The following GABRA3 variants were observed in gnomAD, a reference collection of about 807,000 sequenced individuals.
GABRA3 encodes the protein gamma-aminobutyric acid receptor subunit alpha-3.
Under a neutral mutation model 30.1 loss-of-function variants are expected in GABRA3, and 10 were observed. The observed-to-expected ratio is 0.33, with a 90% CI of 0.20 to 0.56. The LOEUF is 0.56. Ranked by LOEUF, GABRA3 falls within the 20% of genes least tolerant of loss-of-function variation. The pLI is 0.89. For synonymous variants in GABRA3, 151 were observed against 146.8 expected (o/e 1.03, Z -0.21); for missense variants, 233 against 392.0 (o/e 0.59, Z 3.42).
At chrX:152,179,972 C>T (rs922098356) in intron 9 of GABRA3, among the ~76,000 whole-genome samples, 1 of 111,902 alleles carries the variant, frequency 8.9e-6, no homozygotes, top group African/African-American at 3.2e-5. Context: ...TTTATAGACA[C>T]TTAGGTTGAT....
chrX:152,237,308 A>C (rs879215688), intron 5 of GABRA3, among the ~76,000 whole-genome samples: 1 of 108,609 alleles, frequency 9.2e-6, no homozygotes, highest in Admixed American at 9.9e-5. Flanking sequence ...ATAGTTGTAG[A>C]TATGTGGTGT....
At chrX:152,402,896 T>C (rs928241470) in intron 1 of GABRA3, among the ~76,000 whole-genome samples, 1 of 111,754 alleles carries the variant, frequency 8.9e-6, no homozygotes, top group Non-Finnish European at 1.9e-5. Flanking sequence ...TGTTGTCCAC[T>C]TGAAGAAGAA....
chrX:152,444,734 G>GTTTTTTTTTGT (rs1931023024), intron 1 of GABRA3, among the ~76,000 whole-genome samples: 4 of 40,381 alleles, frequency 9.9e-5, no homozygotes, highest in Non-Finnish European at 1.4e-4. Flanking sequence ...ATACTTGTGT[G>GTTTTTTTTTGT]TTTTTTTTTT....
chrX:152,430,410 C>T (rs1257729766), intron 1 of GABRA3, among the ~76,000 whole-genome samples: 2 of 111,210 alleles, frequency 1.8e-5, no homozygotes, highest in Non-Finnish European at 3.8e-5. Context: ...GGAAACCAGA[C>T]GATGAGGCAG....
intron 7 of GABRA3, among the ~76,000 whole-genome samples, chrX:152,202,155 A>G (rs1301457024): frequency 1.8e-5 from 2 of 111,850 alleles, no homozygotes; most frequent in Non-Finnish European, 3.8e-5. Flanking sequence ...AAGCTAGTTC[A>G]TACTGAGGAC....
intron 5 of GABRA3, among the ~76,000 whole-genome samples, chrX:152,229,443 A>G: frequency 9.0e-6 from 1 of 110,786 alleles, no homozygotes; most frequent in Admixed American, 9.8e-5. Context: ...ATGCTTTGGA[A>G]GGGGTTGCAA....
At chrX:152,270,314 T>C (rs1938908116) in intron 4 of GABRA3, among the ~76,000 whole-genome samples, 1 of 111,627 alleles carries the variant, frequency 9.0e-6, no homozygotes, top group Non-Finnish European at 1.9e-5. Flanking sequence ...ACGTGTTTGC[T>C]TCCCCATCTG....
chrX:152,195,371 A>T (rs1204405882), intron 8 of GABRA3, among the ~76,000 whole-genome samples: 2 of 111,998 alleles, frequency 1.8e-5, no homozygotes, highest in South Asian at 7.5e-4. Flanking sequence ...AATGATATTG[A>T]ATTCATGGGA....
intron 3 of GABRA3, among the ~76,000 whole-genome samples, chrX:152,310,788 A>T (rs754471913): frequency 4.5e-5 from 5 of 111,523 alleles, no homozygotes; most frequent in Non-Finnish European, 7.5e-5. Flanking sequence ...TCTTTGGAAG[A>T]ATAAATAAGA....
intron 4 of GABRA3, among the ~76,000 whole-genome samples, chrX:152,256,332 A>C (rs894607125): frequency 9.0e-6 from 1 of 111,107 alleles, no homozygotes; most frequent in African/African-American, 3.3e-5. Context: ...AATAAGAACA[A>C]GTTTCTTACC....
At chrX:152,348,559 A>G (rs994584933) in intron 2 of GABRA3, among the ~76,000 whole-genome samples, 4 of 111,737 alleles carry the variant, frequency 3.6e-5, no homozygotes, top group Non-Finnish European at 5.6e-5. Context: ...ACAGGACCAG[A>G]ATCAAATGAC....
At chrX:152,225,179 G>A (rs1320961674) in intron 5 of GABRA3, among the ~76,000 whole-genome samples, 6 of 109,848 alleles carry the variant, frequency 5.5e-5, no homozygotes, top group Non-Finnish European at 1.1e-4. Flanking sequence ...ATTCACTTCT[G>A]ATTGCAGTTT....
At chrX:152,349,053 T>C (rs1462563878) in intron 2 of GABRA3, among the ~76,000 whole-genome samples, 5 of 112,225 alleles carry the variant, frequency 4.5e-5, no homozygotes, top group Non-Finnish European at 9.4e-5. Context: ...TTACCCACAG[T>C]AGAACTTCTT....
chrX:152,247,650 A>G (rs1938480803), intron 5 of GABRA3, among the ~76,000 whole-genome samples: 1 of 111,598 alleles, frequency 9.0e-6, no homozygotes, highest in Non-Finnish European at 1.9e-5. Context: ...GCCTTATCGC[A>G]TTCACTTCCT....
At chrX:152,325,382 C>T (rs371436812) in intron 3 of GABRA3, among the ~76,000 whole-genome samples, 5 of 111,457 alleles carry the variant, frequency 4.5e-5, no homozygotes, top group South Asian at 3.8e-4. Context: ...GATCTGAGAA[C>T]GGACAGACTG....
intron 5 of GABRA3, among the ~76,000 whole-genome samples, chrX:152,230,253 A>G (rs1283735825): frequency 8.9e-6 from 1 of 111,744 alleles, no homozygotes. Context: ...TCATATTTCA[A>G]TAAAGCTGTC....
At chrX:152,280,385 C>T in intron 4 of GABRA3, among the ~76,000 whole-genome samples, 1 of 111,396 alleles carries the variant, frequency 9.0e-6, no homozygotes, top group African/African-American at 3.3e-5. Flanking sequence ...CTCAGACTGC[C>T]AGTAAGGGAG....
intron 2 of GABRA3, among the ~76,000 whole-genome samples, chrX:152,356,282 T>C (rs1940547569): frequency 8.9e-6 from 1 of 112,115 alleles, no homozygotes; most frequent in African/African-American, 3.2e-5. Flanking sequence ...AGCACATGAG[T>C]TATACAAAGT....
intron 8 of GABRA3, among the ~76,000 whole-genome samples, chrX:152,193,870 G>A (rs953970158): frequency 2.7e-5 from 3 of 110,800 alleles, no homozygotes; most frequent in Non-Finnish European, 3.8e-5. Context: ...GGTGGCACAC[G>A]CCTGTAGTCC....
Sources: allele counts gnomAD v4.1 joint callset (sites outside exome capture counted in the v4.1 genomes callset), GRCh38; gene constraint gnomAD v4.1.1; transcripts MANE v1.5; gene names NCBI Gene and HGNC (gene_info 2026-07-23, HGNC 2026-07-21).